The following ADGRL3 variants were observed in gnomAD, a reference collection of about 807,000 sequenced individuals.
ADGRL3 encodes calcium-independent alpha-latrotoxin receptor 3.
Under a neutral mutation model 153.5 loss-of-function variants are expected in ADGRL3, and 62 were observed. The observed-to-expected ratio is 0.40, with a 90% CI of 0.33 to 0.50. The LOEUF (loss-of-function observed/expected upper bound fraction) is 0.50. ADGRL3 is among the 20% of genes least tolerant of loss of function. The pLI is 0.47. For synonymous variants in ADGRL3, 710 were observed against 672.5 expected (o/e 1.06, Z -0.86); for missense variants, 1,641 against 1,859.4 (o/e 0.88, Z 2.16).
chr4:61,505,640 G>T (rs1195029387), intron 3 of ADGRL3, among the ~76,000 whole-genome samples: 1 of 151,746 alleles, frequency 6.6e-6, no homozygotes, highest in Non-Finnish European at 1.5e-5. Flanking sequence ...TTATATCTTT[G>T]TTCAAATTAT....
At chr4:61,572,804 G>A (rs565287787) in intron 4 of ADGRL3, among the ~76,000 whole-genome samples, 36 of 151,980 alleles carry the variant, frequency 2.4e-4, no homozygotes, top group African/African-American at 8.2e-4. Flanking sequence ...AAGCACTTTG[G>A]AGCTTTATAA....
chr4:61,319,949 A>T (rs919655268), intron 1 of ADGRL3, among the ~76,000 whole-genome samples: 1 of 152,174 alleles, frequency 6.6e-6, no homozygotes, highest in African/African-American at 2.4e-5. Context: ...TCCTAATATG[A>T]TTGTATTTGG....
intron 1 of ADGRL3, among the ~76,000 whole-genome samples, chr4:61,319,392 A>T (rs1420399301): frequency 1.3e-5 from 2 of 152,198 alleles, no homozygotes; most frequent in Non-Finnish European, 2.9e-5. Flanking sequence ...GTTATCTTTT[A>T]TTATATTAAG....
chr4:62,026,336 C>A (rs1560522412), intron 21 of ADGRL3, among the ~76,000 whole-genome samples: 1 of 151,994 alleles, frequency 6.6e-6, no homozygotes, highest in Non-Finnish European at 1.5e-5. Flanking sequence ...AAAGAGGAGA[C>A]CAATTCCAAT....
chr4:61,713,436 T>G (rs2096042416), intron 6 of ADGRL3, among the ~76,000 whole-genome samples: 1 of 152,064 alleles, frequency 6.6e-6, no homozygotes, highest in Admixed American at 6.6e-5. Flanking sequence ...TATAAACATT[T>G]CAAGTTCCTT....
chr4:61,737,236 T>A (rs2151872675), intron 8 of ADGRL3, among the ~76,000 whole-genome samples: 1 of 152,256 alleles, frequency 6.6e-6, no homozygotes, highest in South Asian at 2.1e-4. Flanking sequence ...CGTTACCATC[T>A]GTTGGTAGCA....
intron 9 of ADGRL3, among the ~76,000 whole-genome samples, chr4:61,832,412 T>C (rs1024434834): frequency 6.6e-6 from 1 of 152,190 alleles, no homozygotes; most frequent in African/African-American, 2.4e-5. Context: ...TGGATATTTG[T>C]TGAGATTCCT....
At chr4:61,368,873 C>A (rs2096462920) in intron 1 of ADGRL3, among the ~76,000 whole-genome samples, 1 of 152,208 alleles carries the variant, frequency 6.6e-6, no homozygotes, top group South Asian at 2.1e-4. Flanking sequence ...ATGGAATGTT[C>A]TTCCATTTGT....
At chr4:61,322,932 C>A (rs1163616060) in intron 1 of ADGRL3, among the ~76,000 whole-genome samples, 1 of 152,232 alleles carries the variant, frequency 6.6e-6, no homozygotes, top group African/African-American at 2.4e-5. Context: ...CACTTCCCTT[C>A]TGCAATGCCC....
At chr4:62,002,099 G>T (rs1314515828) in intron 21 of ADGRL3, among the ~76,000 whole-genome samples, 1 of 151,630 alleles carries the variant, frequency 6.6e-6, no homozygotes, top group Non-Finnish European at 1.5e-5. Flanking sequence ...TAACTTCTCT[G>T]TCCACATCAA....
At chr4:61,682,198 T>G (rs1025956228) in intron 6 of ADGRL3, among the ~76,000 whole-genome samples, 5 of 152,080 alleles carry the variant, frequency 3.3e-5, no homozygotes, top group Non-Finnish European at 2.9e-5. Flanking sequence ...TTATTATTAT[T>G]ATGTATGCCT....
chr4:61,298,908 G>A (rs1403396815), intron 1 of ADGRL3, among the ~76,000 whole-genome samples: 1 of 152,094 alleles, frequency 6.6e-6, no homozygotes. Context: ...TTAATCAAAT[G>A]TTGGCTTTTC....
chr4:61,535,750 G>C (rs1202763647), intron 4 of ADGRL3, among the ~76,000 whole-genome samples: 2 of 151,834 alleles, frequency 1.3e-5, no homozygotes, highest in Non-Finnish European at 2.9e-5. Context: ...AATAGTCTTT[G>C]ATAATCTTTT....
At chr4:61,567,732 C>T (rs1365174531) in intron 4 of ADGRL3, among the ~76,000 whole-genome samples, 1 of 152,124 alleles carries the variant, frequency 6.6e-6, no homozygotes, top group Non-Finnish European at 1.5e-5. Context: ...CTAAATAAAA[C>T]TACTAAAAGT....
At chr4:61,740,441 C>G (rs538314133) in intron 8 of ADGRL3, among the ~76,000 whole-genome samples, 1 of 152,266 alleles carries the variant, frequency 6.6e-6, no homozygotes, top group South Asian at 2.1e-4. Flanking sequence ...CTGGTTTTGA[C>G]TGACTTTCAC....
chr4:61,779,694 C>A (rs1208763522), intron 8 of ADGRL3, among the ~76,000 whole-genome samples: 2 of 141,580 alleles, frequency 1.4e-5, no homozygotes, highest in East Asian at 4.3e-4. Flanking sequence ...ATAGCTACTA[C>A]TAGGTTAGTA....
In ADGRL3 at chr4:62,072,404, T is replaced by C. The variant is rs1051940903; in HGVS notation, c.*1496T>C. ...TAATATTTGTTGTAAAAGTGAAACTTGTTTGCCAACCAATAAACAACTGAT... is the reference window on the plus strand; with the variant it reads ...TAATATTTGTTGTAAAAGTGAAACTCGTTTGCCAACCAATAAACAACTGAT... On this transcript the variant is annotated 3_prime_UTR_variant, in exon 27 of 27. Transcript: ENST00000683033. The C allele has an allele frequency of 6.6e-6, 1 of 152,628 alleles. No homozygotes were observed. Among genetic ancestry groups the C allele is most frequent in the African/African-American group, 2.4e-5 (1 of 41,456 alleles). The allele number at this position is 152,628 out of a possible 1,614,324, so 9.5% of individuals were successfully genotyped here.
intron 5 of ADGRL3, among the ~76,000 whole-genome samples, chr4:61,613,795 G>T (rs2091677023): frequency 6.6e-6 from 1 of 152,118 alleles, no homozygotes. Flanking sequence ...ACATTAGTAT[G>T]ATGTTAAACA....
intron 9 of ADGRL3, among the ~76,000 whole-genome samples, chr4:61,816,432 C>T (rs1438229121): frequency 1.3e-5 from 2 of 152,142 alleles, no homozygotes; most frequent in Non-Finnish European, 2.9e-5. Context: ...AGGTTACTGT[C>T]ATGTTTGCTG....
Sources: allele counts gnomAD v4.1 joint callset (sites outside exome capture counted in the v4.1 genomes callset), GRCh38; gene constraint gnomAD v4.1.1; transcripts MANE v1.5; gene names NCBI Gene and HGNC (gene_info 2026-07-23, HGNC 2026-07-21).